PKIB: variants seen among roughly 807,000 people sequenced by gnomAD.
The protein encoded by PKIB is cAMP-dependent protein kinase inhibitor beta, also known as PKI-beta.
A neutral mutation model predicts 4.5 loss-of-function variants in PKIB; 2 were observed. The ratio of observed to expected loss-of-function variants is 0.44; its 90% CI spans 0.18 to 1.39. The LOEUF is 1.39. Ranked by LOEUF, PKIB falls within the 40% of genes most tolerant of loss-of-function variation. The pLI, the probability that PKIB is intolerant of heterozygous loss-of-function variation, is 0.27. For missense variants in PKIB, 94 were observed against 92.6 expected, an observed-to-expected ratio of 1.02 and a Z score of -0.06; for synonymous variants, 38 against 36.0, an observed-to-expected ratio of 1.06 and a Z score of -0.20.
intron 2 of PKIB, among the ~76,000 whole-genome samples, chr6:122,485,874 T>A (rs1436451947): frequency 3.3e-5 from 5 of 152,228 alleles, no homozygotes; most frequent in Admixed American, 3.3e-4. Context: ...GTCTTGCCTT[T>A]TGTCTTTTTG....
chr6:122,717,032 T>A (rs1779525731), intron 3 of PKIB, among the ~76,000 whole-genome samples: 1 of 152,126 alleles, frequency 6.6e-6, no homozygotes, highest in Non-Finnish European at 1.5e-5. Context: ...TTCCAAAACA[T>A]AATAAAAAGG....
At chr6:122,688,447 CAG>C (rs1778180856) in intron 3 of PKIB, among the ~76,000 whole-genome samples, 3 of 152,188 alleles carry the variant, frequency 2.0e-5, no homozygotes, top group African/African-American at 7.2e-5. Context: ...GTTTTGGAAT[CAG>C]GGTAATATTG....
intron 3 of PKIB, among the ~76,000 whole-genome samples, chr6:122,716,167 G>C (rs1779484928): frequency 6.6e-6 from 1 of 152,130 alleles, no homozygotes; most frequent in Non-Finnish European, 1.5e-5. Context: ...TATGAACAAT[G>C]ATGCCAACAA....
In PKIB at chr6:122,675,062, T is replaced by C. The variant is rs1777618333; in HGVS notation, c.-75-16T>C. The stretch of plus-strand genomic sequence containing the variant: ...ACCTTTTCTGGTTCTTCATAGTTTT[T>C]TTTTTTAATTTGCAGGAAAGAAAGT... On this transcript the variant is annotated splice_polypyrimidine_tract_variant and intron_variant, in intron 2 of 4. Coordinates refer to ENST00000368452, the MANE Select transcript of PKIB (RefSeq NM_181795.3). 6.6e-6 allele frequency: 1 copy of C among 152,478 alleles called. No individual in the cohort carries two copies. Among genetic ancestry groups the C allele is most frequent in the South Asian group, 2.1e-4 (1 of 4,812 alleles). The allele number at this position is 152,478 out of a possible 1,614,324, so 9.4% of individuals were successfully genotyped here.
At chr6:122,603,023 G>A (rs56054267) in intron 3 of PKIB, among the ~76,000 whole-genome samples, 1 of 147,394 alleles carries the variant, frequency 6.8e-6, no homozygotes, top group Non-Finnish European at 1.5e-5. Flanking sequence ...ATTTTTAAAA[G>A]AGGCTAACTT....
At chr6:122,514,583 G>T (rs1372498946) in intron 2 of PKIB, among the ~76,000 whole-genome samples, 2 of 152,150 alleles carry the variant, frequency 1.3e-5, no homozygotes, top group Non-Finnish European at 2.9e-5. Context: ...CAAAATAAGG[G>T]TTTAAAATAT....
intron 4 of PKIB, among the ~76,000 whole-genome samples, chr6:122,722,752 C>T (rs1033099964): frequency 6.6e-6 from 1 of 152,152 alleles, no homozygotes; most frequent in South Asian, 2.1e-4. Context: ...CTCCCTTGAT[C>T]CCAATTCTCC....
At chr6:122,619,649 A>G (rs550953279) in intron 1 of PKIB, among the ~76,000 whole-genome samples, 1 of 152,274 alleles carries the variant, frequency 6.6e-6, no homozygotes, top group African/African-American at 2.4e-5. Flanking sequence ...AAAAATTTCT[A>G]TAACCCTTGT....
chr6:122,582,386 C>A (rs1042982083), intron 2 of PKIB, among the ~76,000 whole-genome samples: 1 of 152,030 alleles, frequency 6.6e-6, no homozygotes. Context: ...CAGTTGTTGG[C>A]TCGTGGCTTT....
At chr6:122,487,220 T>C (rs2114529696) in intron 2 of PKIB, among the ~76,000 whole-genome samples, 1 of 152,366 alleles carries the variant, frequency 6.6e-6, no homozygotes, top group South Asian at 2.1e-4. Flanking sequence ...GTGTTGCATT[T>C]AGTTGTCATG....
chr6:122,516,217 T>TA (rs1377972158), intron 2 of PKIB, among the ~76,000 whole-genome samples: 1 of 152,194 alleles, frequency 6.6e-6, no homozygotes, highest in Non-Finnish European at 1.5e-5. Flanking sequence ...GACTGTACTG[T>TA]AAGTATGGAG....
At chr6:122,628,187 G>A (rs865931559) in intron 1 of PKIB, among the ~76,000 whole-genome samples, 9 of 152,082 alleles carry the variant, frequency 5.9e-5, no homozygotes, top group Middle Eastern at 3.4e-3. Context: ...ACAGGCATGC[G>A]CCACCAAGTC....
At chr6:122,518,061 G>A (rs1007224743) in intron 2 of PKIB, among the ~76,000 whole-genome samples, 2 of 152,072 alleles carry the variant, frequency 1.3e-5, no homozygotes, top group South Asian at 2.1e-4. Flanking sequence ...TTCTCAACAG[G>A]TAAAGGGTTA....
At chr6:122,666,460 G>GTTTTGTTTTTGT (rs377668918) in intron 2 of PKIB, among the ~76,000 whole-genome samples, 19 of 152,234 alleles carry the variant, frequency 1.2e-4, no homozygotes, top group African/African-American at 4.1e-4. Context: ...TGCTAGTTGT[G>GTTTTGTTTTTGT]TTTTGTTTTT....
At chr6:122,710,032 T>C (rs1218752982) in intron 3 of PKIB, among the ~76,000 whole-genome samples, 1 of 152,156 alleles carries the variant, frequency 6.6e-6, no homozygotes, top group Non-Finnish European at 1.5e-5. Flanking sequence ...ACTTTTGATC[T>C]TTATTATGAA....
chr6:122,555,287 A>G (rs890350976), intron 2 of PKIB, among the ~76,000 whole-genome samples: 5 of 152,228 alleles, frequency 3.3e-5, no homozygotes, highest in Non-Finnish European at 4.4e-5. Flanking sequence ...CAAGATGTAC[A>G]AAGACTGGAA....
intron 2 of PKIB, among the ~76,000 whole-genome samples, chr6:122,569,491 C>T (rs1248975752): frequency 1.3e-5 from 2 of 152,204 alleles, no homozygotes; most frequent in Non-Finnish European, 2.9e-5. Context: ...AGTGGGTCCA[C>T]GTGACAAGTT....
chr6:122,498,946 C>T (rs1776149457), intron 2 of PKIB, among the ~76,000 whole-genome samples: 1 of 152,074 alleles, frequency 6.6e-6, no homozygotes, highest in Non-Finnish European at 1.5e-5. Context: ...TCTATGTATA[C>T]AAATTAGAAA....
chr6:122,696,921 A>C lies in PKIB; in HGVS notation c.-8-20866A>C, dbSNP rs535663747. Among the ~76,000 whole-genome samples the C allele has an allele frequency of 1.1e-4, 17 of 152,274 alleles. 1 individual carries two copies. In the South Asian group the frequency reaches 2.9e-3, roughly 26 times the overall value. ...CATGCTATTAGTGGTAGGGTGTCTT[A>C]GTCACCTCCTATTTACCCTGTGGGT... On this transcript the variant is annotated intron_variant, in intron 3 of 4. Transcript: ENST00000368452.
Sources: allele counts gnomAD v4.1 joint callset (sites outside exome capture counted in the v4.1 genomes callset), GRCh38; gene constraint gnomAD v4.1.1; transcripts MANE v1.5; gene names NCBI Gene and HGNC (gene_info 2026-07-23, HGNC 2026-07-21).